Variants in STIM1 observed in about 807,000 individuals in gnomAD.
The protein encoded by STIM1 is stromal interaction molecule 1.
In STIM1, 25 loss-of-function variants were observed where a neutral mutation model predicts 74.7. That is an observed-to-expected ratio of 0.33 (90% CI 0.24 to 0.47). The LOEUF (loss-of-function observed/expected upper bound fraction) is 0.47. STIM1 is among the 20% of genes least tolerant of loss of function. The probability of loss-of-function intolerance (pLI) is 1.00; values close to 1 mark genes in which losing one functional copy is unlikely to be tolerated. For synonymous variants in STIM1, 328 were observed against 348.8 expected (o/e 0.94, Z 0.66); for missense variants, 728 against 920.8 (o/e 0.79, Z 2.71).
chr11:3,914,638 C>T (rs1012704254), intron 1 of STIM1, among the ~76,000 whole-genome samples: 3 of 152,152 alleles, frequency 2.0e-5, no homozygotes, highest in Admixed American at 2.0e-4. Context: ...GATGGGGTTT[C>T]ACCATATTGG....
chr11:3,926,216 C>T (rs1319451528), intron 1 of STIM1, among the ~76,000 whole-genome samples: 3 of 151,712 alleles, frequency 2.0e-5, no homozygotes, highest in South Asian at 2.1e-4. Flanking sequence ...TTATAAGTAC[C>T]CTGAAAGCAA....
chr11:4,028,878 A>G (rs1019080375), intron 3 of STIM1, among the ~76,000 whole-genome samples: 1 of 152,128 alleles, frequency 6.6e-6, no homozygotes, highest in African/African-American at 2.4e-5. Context: ...TTTTGTTTCC[A>G]AAAGCCTGGT....
chr11:4,027,364 T>A (rs1205127130), intron 3 of STIM1, among the ~76,000 whole-genome samples: 1 of 152,030 alleles, frequency 6.6e-6, no homozygotes, highest in Admixed American at 6.5e-5. Flanking sequence ...TGGGCTGGAG[T>A]GCAGTGGCGC....
intron 7 of STIM1, among the ~76,000 whole-genome samples, chr11:4,074,932 A>T (rs1353409741): frequency 1.3e-5 from 2 of 152,172 alleles, no homozygotes; most frequent in Non-Finnish European, 2.9e-5. Context: ...TGAGGTTAGG[A>T]GATCAAGATC....
chr11:3,933,693 T>C (rs2092898820), intron 1 of STIM1, among the ~76,000 whole-genome samples: 1 of 152,092 alleles, frequency 6.6e-6, no homozygotes, highest in African/African-American at 2.4e-5. Flanking sequence ...CTCTCTCTCT[T>C]CCCCGCCGCC....
chr11:3,992,967 C>A (rs2093629576), intron 2 of STIM1, among the ~76,000 whole-genome samples: 1 of 152,098 alleles, frequency 6.6e-6, no homozygotes, highest in African/African-American at 2.4e-5. Context: ...AGAATCATTT[C>A]TCACTATCAT....
At position 4,083,449 on chromosome 11, in the gene STIM1, C is replaced by T. The variant is rs200776986; in HGVS notation, c.1425C>T (p.Asp475=). ...ACCCTGCTCACTTCATCATGACTGACGACGTGGATGACATGGATGAGGAGA... is the reference window on the plus strand; with the variant it reads ...ACCCTGCTCACTTCATCATGACTGATGACGTGGATGACATGGATGAGGAGA... The part of the protein sequence containing the change: ...RPNPAHFIMT[D]DVDDMDEEIV... The change falls in exon 10 of 13, where the codon GAC becomes GAT. Residue 475 remains aspartate, a synonymous_variant. Transcript: ENST00000526596. The T allele has an allele frequency of 2.7e-5, 44 of 1,614,126 alleles. No individual in the cohort carries two copies. Among genetic ancestry groups the T allele is most frequent in the Admixed American group, 1.8e-4 (11 of 60,014 alleles).
chr11:4,031,721 T>C (rs1010595658), intron 3 of STIM1, among the ~76,000 whole-genome samples: 24 of 152,340 alleles, frequency 1.6e-4, no homozygotes, highest in Middle Eastern at 3.4e-3. Flanking sequence ...TTTTATTGGG[T>C]TGTTTTTCTA....
Position 4,082,205 on chromosome 11 carries a change from G to C in STIM1, c.991G>C (p.Ala331Pro). The change falls in exon 8 of 13, where the codon GCA (alanine) becomes CCA (proline). Residue 331 changes from alanine (A) to proline (P), a missense_variant. By Grantham distance (27) the Ala-to-Pro change is conservative. Transcript: ENST00000526596. ...LEQVREALRK[A>P]EKELESHSSW... ...CTAGGTTCGGGAGGCCTTGAGGAAA[G>C]CAGAGAAGGAGCTAGAATCTCACAG... is the stretch of plus-strand genomic sequence containing the variant. 6.2e-7 allele frequency: 1 copy of C among 1,614,104 alleles called. No individual in the cohort carries two copies. The highest frequency in any genetic ancestry group is 8.5e-7 in the Non-Finnish European group (1 of 1,180,038).
rs2094138517 is a variant in STIM1, at chr11:4,040,307, C to T, written c.386-15219C>T. 2.6e-5 allele frequency among the ~76,000 whole-genome samples: 4 copies of T among 152,304 alleles called. No homozygotes were observed. The South Asian group carries it at 8.3e-4, about 32-fold the overall frequency. On this transcript the variant is annotated intron_variant, in intron 3 of 12. Coordinates refer to ENST00000526596, the MANE Select transcript of STIM1 (RefSeq NM_001382567.1). ...CTGATCTACTTGTTTTCCATCATTC[C>T]ACACCACATCTCCTCTGGAAGTGCA... is the stretch of plus-strand genomic sequence containing the variant.
chr11:4,035,211 G>A (rs935109059), intron 3 of STIM1, among the ~76,000 whole-genome samples: 1 of 148,654 alleles, frequency 6.7e-6, no homozygotes, highest in African/African-American at 2.5e-5. Flanking sequence ...ATTTAGTGCT[G>A]TAAATCTCCC....
intron 2 of STIM1, among the ~76,000 whole-genome samples, chr11:4,004,727 T>C (rs1404783230): frequency 4.0e-5 from 6 of 151,084 alleles, no homozygotes; most frequent in African/African-American, 1.2e-4. Flanking sequence ...AAAGCCAAAA[T>C]TGACAAATGG....
At chr11:4,091,251 C>T (rs2094522743) in intron 12 of STIM1, 31 bp from the exon 13 acceptor site, 1 of 1,613,660 alleles carries the variant, frequency 6.2e-7, no homozygotes, top group Non-Finnish European at 8.5e-7. Flanking sequence ...AATATATGTC[C>T]CTTTCTTCCT....
intron 2 of STIM1, among the ~76,000 whole-genome samples, chr11:3,977,177 T>G (rs1034665144): frequency 3.3e-5 from 5 of 152,190 alleles, no homozygotes; most frequent in Admixed American, 1.3e-4. Flanking sequence ...TTTGTCTCTC[T>G]TTTCCCCAGT....
chr11:3,972,794 G>T, intron 2 of STIM1: 1 of 451,882 alleles, frequency 2.2e-6, no homozygotes, highest in Non-Finnish European at 4.4e-6. Context: ...GTATTTTTCT[G>T]GCAGTAATTA....
At chr11:3,920,294 G>A (rs138787786) in intron 1 of STIM1, among the ~76,000 whole-genome samples, 237 of 151,976 alleles carry the variant, frequency 1.6e-3, no homozygotes, top group Middle Eastern at 6.8e-3. Flanking sequence ...TTGTGTAACC[G>A]TTACCACTAT....
chr11:3,875,812 T>A (rs920493993), intron 1 of STIM1, among the ~76,000 whole-genome samples: 2 of 151,678 alleles, frequency 1.3e-5, no homozygotes, highest in African/African-American at 4.8e-5. Context: ...GAAGAACTCA[T>A]AAAATATTAA....
In STIM1 at chr11:4,082,898, A is replaced by G. The variant is rs768311695; in HGVS notation, c.1154A>G (p.Lys385Arg). 1.9e-5 allele frequency: 30 copies of G among 1,614,068 alleles called. No homozygotes were observed. The highest frequency in any genetic ancestry group is 2.5e-5 in the Non-Finnish European group (29 of 1,180,026). ...VAKEGAEKIK[K>R]KRNTLFGTFH... Reference sequence around the variant, plus strand: ...TCTTTGCAGGCTGAGAAGATAAAAAAGAAGAGAAACACACTCTTTGGCACC... The same window carrying G: ...TCTTTGCAGGCTGAGAAGATAAAAAGGAAGAGAAACACACTCTTTGGCACC... The change falls in exon 9 of 13, where the codon AAG becomes AGG. Residue 385 changes from lysine (K) to arginine (R), a missense_variant. Lys to Arg is a conservative substitution (Grantham distance 26, BLOSUM62 2). Transcript: ENST00000526596.
chr11:3,960,855 T>C (rs1013167132), intron 1 of STIM1, among the ~76,000 whole-genome samples: 8 of 152,128 alleles, frequency 5.3e-5, no homozygotes, highest in African/African-American at 1.9e-4. Flanking sequence ...TGTACAATTC[T>C]ACCCTTCTCG....
Sources: allele counts gnomAD v4.1 joint callset (sites outside exome capture counted in the v4.1 genomes callset), GRCh38; gene constraint gnomAD v4.1.1; transcripts MANE v1.5; gene names NCBI Gene and HGNC (gene_info 2026-07-23, HGNC 2026-07-21).